Variants in PLA2G5 observed in about 807,000 individuals in gnomAD.
PLA2G5 encodes Ca2+-dependent phospholipase A2.
In PLA2G5, 12 loss-of-function variants were observed where a neutral mutation model predicts 15.9. The ratio of observed to expected loss-of-function variants is 0.76; its 90% confidence interval spans 0.48 to 1.23. PLA2G5 has a LOEUF of 1.23. Ranked by LOEUF, PLA2G5 falls within the 50% of genes most tolerant of loss-of-function variation. The probability of loss-of-function intolerance (pLI) is 0.00; values close to 1 mark genes in which losing one functional copy is unlikely to be tolerated. For missense variants in PLA2G5, 169 were observed against 177.1 expected (o/e 0.95, Z 0.26); for synonymous variants, 71 against 71.4 (o/e 0.99, Z 0.03).
chr1:20,028,644 A>C (rs532215213), exon 1 of PLA2G5: 3 of 152,328 alleles, frequency 2.0e-5, no homozygotes, highest in Non-Finnish European at 2.9e-5. Context: ...GACGGTATCA[A>C]TGTGTTTCTG....
In PLA2G5 at chr1:20,044,115, C is replaced by G. The variant is rs576706234; in HGVS notation, n.276+15406C>G. Among the ~76,000 whole-genome samples, 224 of 152,298 alleles carry G rather than the reference C, an allele frequency of 1.5e-3. 2 individuals are homozygous for G. Among genetic ancestry groups the G allele is most frequent in the African/African-American group, 5.2e-3 (218 of 41,564 alleles). On this transcript the variant is annotated intron_variant and non_coding_transcript_variant, in intron 1 of 6. Coordinates refer to the PLA2G5 transcript ENST00000460175. ...CTTGGGAGGAATCCTGGGCTGTGAG[C>G]ATTCCTTGGCCCAGTGGCCAGATTT...
At chr1:20,078,724 G>A (rs914930553) in intron 1 of PLA2G5, among the ~76,000 whole-genome samples, 2 of 152,168 alleles carry the variant, frequency 1.3e-5, no homozygotes, top group African/African-American at 4.8e-5. Context: ...GTTCATGGGG[G>A]CCTTAAGGAG....
exon 2 of PLA2G5, chr1:20,059,678 A>G (rs1184397561): frequency 1.2e-4 from 18 of 152,220 alleles, no homozygotes; most frequent in Admixed American, 1.2e-3. Context: ...AATGATGGCT[A>G]AGGCTTCCTT....
chr1:20,072,613 TG>T (rs1286808468), intron 1 of PLA2G5, among the ~76,000 whole-genome samples: 1 of 152,002 alleles, frequency 6.6e-6, no homozygotes, highest in African/African-American at 2.4e-5. Flanking sequence ...TGGCGTAGGT[TG>T]GGGGCCAAGC....
In PLA2G5 at chr1:20,090,856, C is replaced by A; in HGVS notation, c.*164C>A. 3.0e-6 allele frequency: 2 copies of A among 672,566 alleles called. No homozygotes were observed. Among genetic ancestry groups the A allele is most frequent in the Non-Finnish European group, 5.1e-6 (2 of 393,954 alleles). 41.7% of individuals were successfully genotyped at this position (672,566 alleles called of 1,614,324 possible). ...GGCCACACTGTACCCTCCAGCGAGT[C>A]CCAGGAGAGTGACTCTGGTCATAGG... On this transcript the variant is annotated 3_prime_UTR_variant, in exon 5 of 5. Coordinates refer to ENST00000375108, the MANE Select transcript of PLA2G5 (RefSeq NM_000929.3).
At chr1:20,068,846 GT>G, upstream of PLA2G5, 1 of 732,992 alleles carries the variant, frequency 1.4e-6, no homozygotes, top group Non-Finnish European at 2.0e-6. Flanking sequence ...TTGTTGTCTT[GT>G]TTTCCAATGT....
intron 1 of PLA2G5, among the ~76,000 whole-genome samples, chr1:20,045,400 T>A (rs2100367872): frequency 6.6e-6 from 1 of 152,238 alleles, no homozygotes; most frequent in South Asian, 2.1e-4. Flanking sequence ...GGGTGAATAA[T>A]CAGGCAGGCG....
intron 1 of PLA2G5, among the ~76,000 whole-genome samples, chr1:20,047,187 C>T (rs192336851): frequency 5.3e-5 from 8 of 152,230 alleles, no homozygotes; most frequent in Admixed American, 2.6e-4. Context: ...GATTGCCCAG[C>T]GTTTTGAGCC....
intron 1 of PLA2G5, among the ~76,000 whole-genome samples, chr1:20,071,720 T>A (rs2015387046): frequency 6.6e-6 from 1 of 152,094 alleles, no homozygotes; most frequent in Non-Finnish European, 1.5e-5. Context: ...TGCCTGGAGC[T>A]TTCTTCCCCT....
At chr1:20,060,982 G>A (rs1359820577) in intron 2 of PLA2G5, among the ~76,000 whole-genome samples, 1 of 152,148 alleles carries the variant, frequency 6.6e-6, no homozygotes, top group Non-Finnish European at 1.5e-5. Context: ...CTCCCAAAGT[G>A]CCGGGATTAC....
At chr1:20,042,808 A>G (rs901951438) in intron 1 of PLA2G5, among the ~76,000 whole-genome samples, 3 of 152,120 alleles carry the variant, frequency 2.0e-5, no homozygotes, top group Admixed American at 2.0e-4. Context: ...TGTTTTTATT[A>G]AGAATTATGC....
chr1:20,052,083 T>C (rs1313000817), intron 1 of PLA2G5, among the ~76,000 whole-genome samples: 1 of 148,886 alleles, frequency 6.7e-6, no homozygotes, highest in Admixed American at 6.8e-5. Flanking sequence ...AGCAAATCAG[T>C]CCTACCATGA....
chr1:20,051,898 A>T (rs1051289039), intron 1 of PLA2G5, among the ~76,000 whole-genome samples: 8 of 152,082 alleles, frequency 5.3e-5, no homozygotes, highest in Admixed American at 4.6e-4. Flanking sequence ...AGAGGAATTC[A>T]CCCAATTCAA....
At chr1:20,038,358 A>C (rs977291197) in intron 1 of PLA2G5, among the ~76,000 whole-genome samples, 1 of 152,134 alleles carries the variant, frequency 6.6e-6, no homozygotes, top group East Asian at 1.9e-4. Flanking sequence ...TCTCCCTGTG[A>C]TCTTTCCCCA....
At chr1:20,036,417 GA>G (rs1557722649) in intron 1 of PLA2G5, among the ~76,000 whole-genome samples, 1 of 151,974 alleles carries the variant, frequency 6.6e-6, no homozygotes, top group Non-Finnish European at 1.5e-5. Flanking sequence ...AAACTTTTTG[GA>G]GGCTTTGTTC....
At chr1:20,030,287 CAT>C (rs1216364825) in intron 1 of PLA2G5, among the ~76,000 whole-genome samples, 7 of 151,760 alleles carry the variant, frequency 4.6e-5, no homozygotes, top group Non-Finnish European at 7.4e-5. Context: ...AGCAGGGAAA[CAT>C]GTGAGCAAAG....
At chr1:20,032,777 C>G (rs542778580) in intron 1 of PLA2G5, among the ~76,000 whole-genome samples, 1 of 152,156 alleles carries the variant, frequency 6.6e-6, no homozygotes, top group African/African-American at 2.4e-5. Context: ...TTTGTTCTTC[C>G]TGGGTATATA....
intron 1 of PLA2G5, among the ~76,000 whole-genome samples, chr1:20,031,339 A>C (rs1336328024): frequency 6.6e-6 from 1 of 152,170 alleles, no homozygotes; most frequent in Non-Finnish European, 1.5e-5. Flanking sequence ...TAATGTATGA[A>C]GTTGACAAAG....
intron 1 of PLA2G5, among the ~76,000 whole-genome samples, chr1:20,081,155 C>T (rs932969581): frequency 1.5e-4 from 23 of 151,594 alleles, no homozygotes; most frequent in Admixed American, 1.2e-3. Context: ...TTACTGCAAC[C>T]GCTGCCCTCC....
Sources: allele counts gnomAD v4.1 joint callset (sites outside exome capture counted in the v4.1 genomes callset), GRCh38; gene constraint gnomAD v4.1.1; transcripts MANE v1.5; gene names NCBI Gene and HGNC (gene_info 2026-07-23, HGNC 2026-07-21).